The following SRRM3 variants were observed in gnomAD, a reference collection of about 807,000 sequenced individuals.
SRRM3 encodes the protein serine/arginine repetitive matrix protein 3.
SRRM3 carries 27 observed loss-of-function variants against 66.2 expected under a neutral mutation model. The ratio of observed to expected loss-of-function variants is 0.41; its 90% CI spans 0.30 to 0.56. The LOEUF (loss-of-function observed/expected upper bound fraction) is 0.56, where lower values mean the gene tolerates loss of function less well. SRRM3 is among the 20% of genes least tolerant of loss of function. The pLI, the probability that SRRM3 is intolerant of heterozygous loss-of-function variation, is 0.32. For synonymous variants in SRRM3, 391 were observed against 414.9 expected (o/e 0.94, Z 0.70); for missense variants, 918 against 991.9 (o/e 0.93, Z 1.00).
At chr7:76,278,884 G>C (rs1411696705) in intron 11 of SRRM3, among the ~76,000 whole-genome samples, 1 of 152,190 alleles carries the variant, frequency 6.6e-6, no homozygotes, top group Non-Finnish European at 1.5e-5. Context: ...CCATGCCAAG[G>C]AAACTGTGCT....
intron 11 of SRRM3, chr7:76,268,987 G>T (rs1554610168): frequency 1.3e-5 from 2 of 152,272 alleles, no homozygotes; most frequent in African/African-American, 4.8e-5. Context: ...ACACAGAGAT[G>T]CGGGTTCTCT....
chr7:76,274,697 G>A (rs1157344526), intron 11 of SRRM3, among the ~76,000 whole-genome samples: 1 of 152,188 alleles, frequency 6.6e-6, no homozygotes, highest in African/African-American at 2.4e-5. Context: ...TCCCAGCCCA[G>A]GGCTCATCCA....
intron 1 of SRRM3, among the ~76,000 whole-genome samples, chr7:76,226,946 C>T (rs1800879742): frequency 6.6e-6 from 1 of 152,178 alleles, no homozygotes; most frequent in African/African-American, 2.4e-5. Flanking sequence ...GGAAAGGACC[C>T]TTGGGGTCTT....
At chr7:76,215,313 A>T (rs181718582) in intron 1 of SRRM3, among the ~76,000 whole-genome samples, 6 of 149,820 alleles carry the variant, frequency 4.0e-5, no homozygotes, top group Middle Eastern at 6.8e-3. Flanking sequence ...GGGAGTGTGC[A>T]TTTGTCTTTA....
chr7:76,253,537 C>T (rs928083630), intron 3 of SRRM3, among the ~76,000 whole-genome samples: 7 of 151,698 alleles, frequency 4.6e-5, no homozygotes, highest in African/African-American at 1.7e-4. Context: ...AGGAGAATGG[C>T]GTGAACCCGG....
chr7:76,254,212 G>C (rs1168751955), intron 3 of SRRM3, among the ~76,000 whole-genome samples: 1 of 151,514 alleles, frequency 6.6e-6, no homozygotes, highest in Non-Finnish European at 1.5e-5. Context: ...TACAGACGGG[G>C]GTCTTGCTTT....
chr7:76,261,679 C>A, intron 8 of SRRM3, 98 bp downstream of exon 8: 2 of 1,321,384 alleles, frequency 1.5e-6, no homozygotes, highest in Non-Finnish European at 2.1e-6. Context: ...TCCCACAGGG[C>A]TCCATCCTTC....
chr7:76,260,781 C>T, intron 5 of SRRM3, 93 bp from the exon 6 acceptor site: 2 of 1,250,824 alleles, frequency 1.6e-6, no homozygotes, highest in Non-Finnish European at 2.3e-6. Context: ...TCTGTCCACC[C>T]TCCCCTGTCC....
At chr7:76,256,797 C>G (rs1801725142) in intron 3 of SRRM3, among the ~76,000 whole-genome samples, 1 of 151,216 alleles carries the variant, frequency 6.6e-6, no homozygotes, top group Non-Finnish European at 1.5e-5. Context: ...GCAACCTCCG[C>G]CTCCTGGGTT....
intron 10 of SRRM3, among the ~76,000 whole-genome samples, chr7:76,266,886 T>G (rs1554609800): frequency 6.6e-6 from 1 of 151,738 alleles, no homozygotes; most frequent in Non-Finnish European, 1.5e-5. Flanking sequence ...TCGAACAGCC[T>G]GGTCTCGAAT....
intron 3 of SRRM3, among the ~76,000 whole-genome samples, chr7:76,248,986 T>C (rs1801508428): frequency 6.7e-6 from 1 of 150,082 alleles, no homozygotes; most frequent in African/African-American, 2.5e-5. Context: ...TCTCAAAAAA[T>C]AAAATAGAAT....
intron 1 of SRRM3, among the ~76,000 whole-genome samples, chr7:76,231,806 A>T (rs1801022723): frequency 6.6e-6 from 1 of 152,210 alleles, no homozygotes; most frequent in African/African-American, 2.4e-5. Context: ...AGAGCGGAAG[A>T]TTCCCAGAGG....
intron 11 of SRRM3, among the ~76,000 whole-genome samples, chr7:76,271,300 T>C (rs1411375253): frequency 6.6e-6 from 1 of 151,898 alleles, no homozygotes; most frequent in African/African-American, 2.4e-5. Context: ...AGACTGTATC[T>C]CTACAAAAAA....
At chr7:76,210,316 C>T (rs915165814) in intron 1 of SRRM3, among the ~76,000 whole-genome samples, 1 of 152,300 alleles carries the variant, frequency 6.6e-6, no homozygotes, top group Non-Finnish European at 1.5e-5. Context: ...AAAGCTGGAA[C>T]ATTCAGTGGG....
At chr7:76,248,593 CA>C (rs1229788644) in intron 3 of SRRM3, among the ~76,000 whole-genome samples, 14 of 152,158 alleles carry the variant, frequency 9.2e-5, no homozygotes, top group African/African-American at 3.4e-4. Context: ...TTCTGAGCTG[CA>C]AATCGGAAGA....
rs189284220 is a variant in SRRM3 at position 76,241,078 on chromosome 7, G to A, written c.233+5779G>A. 3.9e-3 allele frequency among the ~76,000 whole-genome samples: 597 copies of A among 152,206 alleles called. 4 individuals carry two copies. The highest frequency in any genetic ancestry group is 0.014 in the African/African-American group (563 of 41,514). ...ATGCCCAGCTAATTTTGTATTTTTA[G>A]TAGAGATGGGGTTTCACCATGTTGG... On this transcript the variant is annotated intron_variant, in intron 2 of 14. Coordinates refer to ENST00000611745, the MANE Select transcript of SRRM3 (RefSeq NM_001110199.3).
intron 1 of SRRM3, among the ~76,000 whole-genome samples, 155 bp downstream of exon 1, chr7:76,202,222 C>T (rs186918872): frequency 2.4e-4 from 36 of 152,272 alleles, no homozygotes; most frequent in Non-Finnish European, 2.2e-4. Flanking sequence ...TGCCAGGCGC[C>T]CGGGGAGCAG....
At chr7:76,272,564 A>C (rs1346023686) in intron 11 of SRRM3, among the ~76,000 whole-genome samples, 11 of 152,086 alleles carry the variant, frequency 7.2e-5, no homozygotes, top group Admixed American at 2.0e-4. Context: ...AGTCAGGAGA[A>C]TCACTTGAAC....
chr7:76,267,402 G>T lies in SRRM3; in HGVS notation c.975G>T (p.Gly325=), dbSNP rs576606445. The T allele has an allele frequency of 7.2e-7, 1 of 1,391,428 alleles. No individual in the cohort carries two copies. The highest frequency in any genetic ancestry group is 1.5e-5 in the African/African-American group (1 of 65,402). 86.2% of individuals were successfully genotyped at this position (1,391,428 alleles called of 1,614,324 possible). ...GGSGQRSGAH[G]GRPGSAHSPP... ...GCGGGCAGCGGAGCGGAGCGCACGG[G>T]GGCCGCCCCGGCTCGGCGCACAGCC... Residue 325 remains glycine (G), a synonymous_variant, in exon 11 of 15, where the codon GGG becomes GGT. Transcript: ENST00000611745.
Sources: allele counts gnomAD v4.1 joint callset (sites outside exome capture counted in the v4.1 genomes callset), GRCh38; gene constraint gnomAD v4.1.1; transcripts MANE v1.5; gene names NCBI Gene and HGNC (gene_info 2026-07-23, HGNC 2026-07-21).